B3GALT1: variants seen among roughly 807,000 people sequenced by gnomAD.
B3GALT1 encodes beta-1,3-galactosyltransferase 1, also known as UDP-Gal:betaGlcNAc beta 1,3-galactosyltransferase, polypeptide 1.
In B3GALT1, 10 loss-of-function variants were observed where a neutral mutation model predicts 23.2. The observed-to-expected ratio is 0.43, with a 90% CI of 0.27 to 0.73. B3GALT1 has a LOEUF of 0.73. Among genes scored for constraint, B3GALT1 ranks in the 30% least tolerant of loss-of-function variants. The pLI, the probability that B3GALT1 is intolerant of heterozygous loss-of-function variation, is 0.21. For synonymous variants in B3GALT1, 156 were observed against 141.5 expected, an observed-to-expected ratio of 1.10 and a Z score of -0.73; for missense variants, 299 against 405.4, an observed-to-expected ratio of 0.74 and a Z score of 2.25.
At chr2:167,691,400 T>C (rs1183430445) in intron 3 of B3GALT1, among the ~76,000 whole-genome samples, 3 of 152,186 alleles carry the variant, frequency 2.0e-5, no homozygotes, top group Non-Finnish European at 4.4e-5. Flanking sequence ...TGACATTTGA[T>C]TTTAACTGTG....
intron 3 of B3GALT1, among the ~76,000 whole-genome samples, chr2:167,726,979 A>C (rs1687326747): frequency 6.6e-6 from 1 of 152,256 alleles, no homozygotes; most frequent in Non-Finnish European, 1.5e-5. Flanking sequence ...TGACTGATTG[A>C]GTACAGGTGT....
chr2:167,378,307 T>A, intron 1 of B3GALT1, among the ~76,000 whole-genome samples: 1 of 152,160 alleles, frequency 6.6e-6, no homozygotes, highest in East Asian at 1.9e-4. Context: ...ACCTTGGTGA[T>A]GTTCATTTTT....
chr2:167,536,066 C>T (rs1248612486), intron 2 of B3GALT1, among the ~76,000 whole-genome samples: 1 of 151,988 alleles, frequency 6.6e-6, no homozygotes, highest in Non-Finnish European at 1.5e-5. Context: ...TCCACCATGC[C>T]CAGCTAATTT....
chr2:167,308,882 G>A (rs1168638518), intron 1 of B3GALT1, among the ~76,000 whole-genome samples: 1 of 151,982 alleles, frequency 6.6e-6, no homozygotes, highest in Admixed American at 6.6e-5. Flanking sequence ...AATGATGTCA[G>A]TATTCAGATT....
chr2:167,637,089 A>G (rs1461403114), intron 2 of B3GALT1, among the ~76,000 whole-genome samples: 1 of 151,966 alleles, frequency 6.6e-6, no homozygotes, highest in Non-Finnish European at 1.5e-5. Flanking sequence ...AGTTTGTTAG[A>G]TATTTTGGCT....
intron 3 of B3GALT1, among the ~76,000 whole-genome samples, chr2:167,658,156 A>G (rs1222621882): frequency 6.6e-6 from 1 of 152,168 alleles, no homozygotes; most frequent in South Asian, 2.1e-4. Context: ...TATGAACAAC[A>G]TAGACAGGGC....
intron 2 of B3GALT1, among the ~76,000 whole-genome samples, chr2:167,613,798 T>C (rs911396919): frequency 6.6e-6 from 1 of 151,804 alleles, no homozygotes; most frequent in Admixed American, 6.6e-5. Flanking sequence ...TTCCAAAATA[T>C]GTGGTTTGCC....
chr2:167,298,433 T>G (rs979290404), intron 1 of B3GALT1, among the ~76,000 whole-genome samples: 23 of 152,124 alleles, frequency 1.5e-4, no homozygotes, highest in African/African-American at 5.5e-4. Context: ...GACATACTAT[T>G]ACATTGTGTT....
intron 3 of B3GALT1, among the ~76,000 whole-genome samples, chr2:167,678,815 G>A (rs935306081): frequency 1.3e-5 from 2 of 152,056 alleles, no homozygotes; most frequent in Non-Finnish European, 2.9e-5. Flanking sequence ...TTGTTTTCTG[G>A]ATACACTTTA....
intron 2 of B3GALT1, among the ~76,000 whole-genome samples, chr2:167,498,331 TGA>T (rs1699805698): frequency 2.0e-5 from 3 of 152,158 alleles, no homozygotes. Context: ...GCCTGTCAAT[TGA>T]GAGTCTCTTC....
intron 3 of B3GALT1, among the ~76,000 whole-genome samples, chr2:167,702,538 G>T (rs1276463212): frequency 1.3e-5 from 2 of 152,116 alleles, no homozygotes; most frequent in African/African-American, 4.8e-5. Context: ...AAATGTTCCA[G>T]ATATTGATTT....
chr2:167,417,848 A>G (rs1055556321), intron 1 of B3GALT1, among the ~76,000 whole-genome samples: 10 of 152,238 alleles, frequency 6.6e-5, no homozygotes, highest in Non-Finnish European at 4.4e-5. Flanking sequence ...GGTGACTCAG[A>G]TGCTATAATC....
chr2:167,539,057 AAAAT>A (rs1335995348), intron 2 of B3GALT1, among the ~76,000 whole-genome samples: 4 of 152,186 alleles, frequency 2.6e-5, no homozygotes, highest in South Asian at 2.1e-4. Context: ...AAGTTATAAA[AAAAT>A]AAATACACTA....
intron 2 of B3GALT1, among the ~76,000 whole-genome samples, chr2:167,536,931 A>C (rs1237893580): frequency 1.3e-5 from 2 of 151,994 alleles, no homozygotes; most frequent in Admixed American, 1.3e-4. Context: ...CGGAAGGTAA[A>C]CTCCATCTGC....
intron 3 of B3GALT1, among the ~76,000 whole-genome samples, chr2:167,793,477 G>A (rs1688481914): frequency 6.6e-6 from 1 of 152,174 alleles, no homozygotes; most frequent in African/African-American, 2.4e-5. Flanking sequence ...ACTAAGGAAG[G>A]GTTAGAGAAG....
chr2:167,690,478 GT>G, intron 3 of B3GALT1, among the ~76,000 whole-genome samples: 1 of 152,132 alleles, frequency 6.6e-6, no homozygotes, highest in Admixed American at 6.5e-5. Flanking sequence ...AATTGTCATT[GT>G]TGAGTTTTAT....
intron 2 of B3GALT1, among the ~76,000 whole-genome samples, chr2:167,501,683 G>C (rs978777575): frequency 8.1e-6 from 1 of 123,638 alleles, no homozygotes; most frequent in African/African-American, 3.1e-5. Flanking sequence ...CCTAAAAGCA[G>C]TTCTCAGAAA....
chr2:167,777,858 A>AT lies in B3GALT1; in HGVS notation c.-351-40808dup, dbSNP rs1219526607. On this transcript the variant is annotated intron_variant, in intron 3 of 4. Coordinates refer to ENST00000392690, the MANE Select transcript of B3GALT1 (RefSeq NM_020981.4). ...CTAGGACAGTGATTCTCAACAAATA[A>AT]TTTTTTGCCCTCAGGGGACATATGG... Among the ~76,000 whole-genome samples, 4 of 151,978 alleles carry AT rather than the reference A, an allele frequency of 2.6e-5. No individual in the cohort carries two copies. The East Asian group carries it at 7.7e-4, about 29-fold the overall frequency.
At chr2:167,624,970 T>C (rs1408023053) in intron 2 of B3GALT1, among the ~76,000 whole-genome samples, 1 of 151,968 alleles carries the variant, frequency 6.6e-6, no homozygotes, top group African/African-American at 2.4e-5. Flanking sequence ...AAGTATTTAC[T>C]ATTCCCTTGT....
Sources: allele counts gnomAD v4.1 joint callset (sites outside exome capture counted in the v4.1 genomes callset), GRCh38; gene constraint gnomAD v4.1.1; transcripts MANE v1.5; gene names NCBI Gene and HGNC (gene_info 2026-07-23, HGNC 2026-07-21).